The following ZBTB44 variants were observed in gnomAD, a reference collection of about 807,000 sequenced individuals.
ZBTB44 encodes zinc finger and BTB domain-containing protein 44.
Under a neutral mutation model 54.0 loss-of-function variants are expected in ZBTB44, and 15 were observed. The observed-to-expected ratio is 0.28, with a 90% CI of 0.19 to 0.43. The LOEUF is 0.43. ZBTB44 is among the 20% of genes least tolerant of loss of function. ZBTB44 has a pLI of 1.00. For missense variants in ZBTB44, 487 were observed against 707.1 expected (o/e 0.69, Z 3.53); for synonymous variants, 230 against 250.1 (o/e 0.92, Z 0.76).
chr11:130,307,728 G>GAA (rs1942357921), intron 1 of ZBTB44, among the ~76,000 whole-genome samples: 1 of 152,048 alleles, frequency 6.6e-6, no homozygotes, highest in African/African-American at 2.4e-5. Context: ...GTGCAATCTG[G>GAA]GCTCACTGCT....
chr11:130,238,212 G>A (rs917369660), intron 4 of ZBTB44, among the ~76,000 whole-genome samples: 8 of 152,164 alleles, frequency 5.3e-5, no homozygotes, highest in Non-Finnish European at 7.4e-5. Flanking sequence ...TATTTACAAA[G>A]TACTCACTCC....
intron 1 of ZBTB44, among the ~76,000 whole-genome samples, chr11:130,301,378 GTAT>G (rs1941978276): frequency 6.6e-6 from 1 of 152,232 alleles, no homozygotes; most frequent in South Asian, 2.1e-4. Context: ...TGGAGGCCGA[GTAT>G]GCTGGCTCAT....
intron 1 of ZBTB44, chr11:130,285,540 C>T (rs1278963944): frequency 4.7e-6 from 1 of 213,376 alleles, no homozygotes. Context: ...GATCTGCCTG[C>T]CTTGGCCTCT....
At chr11:130,280,942 C>T (rs1216775983) in intron 1 of ZBTB44, among the ~76,000 whole-genome samples, 3 of 152,154 alleles carry the variant, frequency 2.0e-5, no homozygotes, top group South Asian at 4.1e-4. Flanking sequence ...AGGACAATCT[C>T]GCCTTTTTAG....
At position 130,231,680 on chromosome 11, in the gene ZBTB44, C is replaced by T. The variant is rs1293812394; in HGVS notation, c.*84G>A. The T allele has an allele frequency of 1.3e-5, 2 of 152,026 alleles. No homozygotes were observed. The highest frequency in any genetic ancestry group is 2.9e-5 in the Non-Finnish European group (2 of 67,962). 9.4% of individuals were successfully genotyped at this position (152,026 alleles called of 1,614,324 possible). A position where few individuals can be genotyped will look rare whatever the true frequency, so the allele number is the denominator to read the frequency against. On this transcript the variant is annotated 3_prime_UTR_variant, in exon 8 of 8. Coordinates refer to ENST00000357899, the MANE Select transcript of ZBTB44 (RefSeq NM_001301098.2). ...TTCTTCTTTCCTTCTTTTCTTTTTT[C>T]TTTCCTCTTGCTCTTTCAAAAACCA...
chr11:130,303,785 T>C (rs181553586), intron 1 of ZBTB44, among the ~76,000 whole-genome samples: 74 of 152,028 alleles, frequency 4.9e-4, no homozygotes, highest in African/African-American at 1.7e-3. Flanking sequence ...TTTTAAGTTT[T>C]TTTTTTAAAG....
At chr11:130,251,316 T>C (rs189812130) in intron 2 of ZBTB44, among the ~76,000 whole-genome samples, 9 of 151,966 alleles carry the variant, frequency 5.9e-5, no homozygotes, top group South Asian at 4.1e-4. Context: ...AAACCTACGA[T>C]TGACTGAGGT....
chr11:130,235,832 T>C (rs1012506607), intron 5 of ZBTB44, among the ~76,000 whole-genome samples: 22 of 151,964 alleles, frequency 1.4e-4, no homozygotes, highest in Non-Finnish European at 3.1e-4. Context: ...TGAAACCCCA[T>C]CTCTACTAAA....
chr11:130,246,918 T>C (rs1308024032), intron 2 of ZBTB44, among the ~76,000 whole-genome samples: 1 of 152,192 alleles, frequency 6.6e-6, no homozygotes, highest in Non-Finnish European at 1.5e-5. Flanking sequence ...ATCACAAACA[T>C]ACCAGTCATC....
intron 1 of ZBTB44, among the ~76,000 whole-genome samples, chr11:130,298,455 G>GTTT (rs996057514): frequency 4.7e-4 from 55 of 116,322 alleles, no homozygotes; most frequent in African/African-American, 1.2e-3. Flanking sequence ...AAAAGTTGAA[G>GTTT]TTTTTTTTTT....
At position 130,296,923 on chromosome 11, in the gene ZBTB44, G is replaced by A. The variant is rs934391610; in HGVS notation, c.-57+17452C>T. 1.8e-5 allele frequency: 13 copies of A among 734,162 alleles called. No individual in the cohort carries two copies. The African/African-American group carries it at 1.9e-4, about 11-fold the overall frequency. 45.5% of individuals were successfully genotyped at this position (734,162 alleles called of 1,614,324 possible). A position where few individuals can be genotyped will look rare whatever the true frequency, so the allele number is the denominator to read the frequency against. On this transcript the variant is annotated intron_variant, in intron 1 of 7. Coordinates refer to ENST00000357899, the MANE Select transcript of ZBTB44 (RefSeq NM_001301098.2). ...GCCTTTGTTGATCTGAATGTCAATG[G>A]CAATGAAGGCAAGCAGAAAAAGCGA...
At chr11:130,295,702 G>C in intron 1 of ZBTB44, 1 of 1,520,906 alleles carries the variant, frequency 6.6e-7, no homozygotes, top group Non-Finnish European at 9.1e-7. Flanking sequence ...CTGGAAGGCA[G>C]GGATCTTCTA....
At chr11:130,310,819 T>G (rs1942556025) in intron 1 of ZBTB44, among the ~76,000 whole-genome samples, 1 of 152,158 alleles carries the variant, frequency 6.6e-6, no homozygotes. Flanking sequence ...CTTGGCTCAC[T>G]GCAACCTCCC....
chr11:130,301,410 T>G (rs549783463), intron 1 of ZBTB44, among the ~76,000 whole-genome samples: 1 of 152,236 alleles, frequency 6.6e-6, no homozygotes, highest in South Asian at 2.1e-4. Flanking sequence ...TCCCACCACT[T>G]TGGGAGGCCA....
intron 1 of ZBTB44, among the ~76,000 whole-genome samples, chr11:130,298,149 ATTTTTT>A (rs59096083): frequency 6.8e-6 from 1 of 147,658 alleles, no homozygotes; most frequent in Non-Finnish European, 1.5e-5. Flanking sequence ...ATAATTGATG[ATTTTTT>A]TTTTTTGAGA....
intron 1 of ZBTB44, among the ~76,000 whole-genome samples, chr11:130,302,737 G>T (rs934304016): frequency 5.9e-5 from 9 of 152,214 alleles, no homozygotes; most frequent in African/African-American, 1.9e-4. Context: ...ACTTTGGGAG[G>T]CTGAGGCAGG....
At chr11:130,297,038 C>T (rs1005092171) in intron 1 of ZBTB44, 2 of 684,236 alleles carry the variant, frequency 2.9e-6, no homozygotes, top group Admixed American at 2.3e-5. Flanking sequence ...CATCCGATAG[C>T]AGGCAGCTCT....
intron 1 of ZBTB44, among the ~76,000 whole-genome samples, chr11:130,275,513 C>G (rs1939993072): frequency 6.6e-6 from 1 of 152,030 alleles, no homozygotes; most frequent in Non-Finnish European, 1.5e-5. Context: ...ATTTGGATTT[C>G]TTTTTTGATC....
chr11:130,236,941 T>G lies in ZBTB44; in HGVS notation c.1420A>C (p.Met474Leu). ...CGGATAATGTGCCGGGAAACCCTCA[T>G]GTGGTGTTTATATTCCCCGAAGGAA... The part of the protein sequence containing the change: ...FTSFGEYKHH[M>L]RVSRHIIRKP... Residue 474 changes from methionine (M) to leucine (L), a missense_variant, in exon 5 of 8, where the codon ATG (methionine) becomes CTG (leucine). Coordinates refer to ENST00000357899, the MANE Select transcript of ZBTB44 (RefSeq NM_001301098.2). The G allele has an allele frequency of 1.2e-6, 2 of 1,612,094 alleles. No individual in the cohort carries two copies. Among genetic ancestry groups the G allele is most frequent in the Non-Finnish European group, 1.7e-6 (2 of 1,179,204 alleles).
Sources: gnomAD v4.1 joint callset for allele counts (sites outside exome capture counted in the v4.1 genomes callset) on GRCh38, gnomAD v4.1.1 for gene constraint, MANE v1.5 for transcripts, NCBI Gene and HGNC (gene_info 2026-07-23, HGNC 2026-07-21) for gene names.